Variants in ADAM9 observed in about 807,000 individuals in gnomAD.
ADAM9 encodes ADAM metallopeptidase domain 9.
A neutral mutation model predicts 108.1 loss-of-function variants in ADAM9; 54 were observed. The observed-to-expected ratio is 0.50, with a 90% CI of 0.40 to 0.63. The LOEUF (loss-of-function observed/expected upper bound fraction) is 0.63, where lower values mean the gene tolerates loss of function less well. ADAM9 is among the 20% of genes least tolerant of loss of function. ADAM9 has a pLI of 0.00. For synonymous variants in ADAM9, 316 were observed against 336.0 expected, an observed-to-expected ratio of 0.94 and a Z score of 0.65; for missense variants, 830 against 997.7, an observed-to-expected ratio of 0.83 and a Z score of 2.26.
chr8:39,103,626 A>G lies in ADAM9; in HGVS notation c.2386A>G (p.Lys796Glu). 4 of 1,614,086 alleles carry G rather than the reference A, an allele frequency of 2.5e-6. No homozygotes were observed. The highest frequency in any genetic ancestry group is 2.2e-5 in the South Asian group (2 of 91,078). The change falls in exon 22 of 22, where the codon AAA (lysine) becomes GAA (glutamate). Residue 796 changes from lysine (K) to glutamate (E), a missense_variant. Around this residue, in one of 3 missense-constraint regions of ADAM9, gnomAD observed 238 missense variants for 235.7 expected, o/e 1.01. Transcript: ENST00000487273. Reference sequence around the variant, plus strand: ...TCGCAGGCCACCTCCACCACAACCGAAAGTATCATCTCAGGGAAACTTAAT... The same window carrying G: ...TCGCAGGCCACCTCCACCACAACCGGAAGTATCATCTCAGGGAAACTTAAT... ...FPSRPPPPQP[K>E]VSSQGNLIPA...
chr8:39,089,194 A>G (rs951390714), intron 18 of ADAM9, among the ~76,000 whole-genome samples: 2 of 152,190 alleles, frequency 1.3e-5, no homozygotes, highest in African/African-American at 4.8e-5. Context: ...GGTTGCAGTG[A>G]GTGGAGATCG....
chr8:39,048,608 C>G (rs1837851646), intron 12 of ADAM9, among the ~76,000 whole-genome samples: 1 of 152,124 alleles, frequency 6.6e-6, no homozygotes, highest in African/African-American at 2.4e-5. Flanking sequence ...TAGTGTTGTT[C>G]AAGTCCTGTG....
intron 16 of ADAM9, 137 bp from the exon 17 acceptor site, chr8:39,082,501 TATA>T (rs1187329692): frequency 8.0e-6 from 5 of 627,150 alleles, no homozygotes; most frequent in East Asian, 2.9e-5. Context: ...TTTTTAAAAA[TATA>T]ATATGGGAAT....
intron 14 of ADAM9, among the ~76,000 whole-genome samples, chr8:39,070,549 T>C (rs954318793): frequency 2.0e-5 from 3 of 152,144 alleles, no homozygotes; most frequent in African/African-American, 4.8e-5. Flanking sequence ...TTTAAAAATA[T>C]GCATTTTGCA....
intron 12 of ADAM9, among the ~76,000 whole-genome samples, chr8:39,044,875 C>CAT (rs896733580): frequency 3.5e-5 from 5 of 143,836 alleles, no homozygotes; most frequent in African/African-American, 1.4e-4. Flanking sequence ...TGTATACATA[C>CAT]ATATATATGT....
rs1838091426 is a variant in ADAM9 at position 39,055,535 on chromosome 8, T to G, written c.1396-42T>G. ...TTCACATTTGATTAATTTGTGGACA[T>G]TATCCTGATATTTCTGTTTAATTTG... On this transcript the variant is annotated intron_variant, in intron 13 of 21. Transcript: ENST00000487273. The G allele has an allele frequency of 8.8e-6, 14 of 1,587,262 alleles. No individual in the cohort carries two copies. The East Asian group carries it at 3.1e-4, about 35-fold the overall frequency.
At position 39,045,107 on chromosome 8, in the gene ADAM9, TAC is replaced by T. The variant is rs1564297446; in HGVS notation, c.1302+2992_1302+2993del. On this transcript the variant is annotated intron_variant, in intron 12 of 21. Coordinates refer to ENST00000487273, the MANE Select transcript of ADAM9 (RefSeq NM_003816.3). ...GCATACATACATATGTGTGTGTGCA[TAC>T]ATACATATGTGTGTGTGCATACATA... 2.3e-3 allele frequency among the ~76,000 whole-genome samples: 47 copies of T among 20,558 alleles called. 9 individuals are homozygous for T. The highest frequency in any genetic ancestry group is 7.7e-3 in the South Asian group (7 of 906). The allele number at this position is 20,558 out of a possible 152,430, so 13.5% of individuals were successfully genotyped here. A position where few individuals can be genotyped will look rare whatever the true frequency, so the allele number is the denominator to read the frequency against.
chr8:39,049,611 G>A (rs1837889401), intron 12 of ADAM9, among the ~76,000 whole-genome samples: 1 of 151,662 alleles, frequency 6.6e-6, no homozygotes, highest in Admixed American at 6.6e-5. Flanking sequence ...GCTAATTTTT[G>A]TATTTTTAGT....
chr8:39,071,202 C>T, intron 14 of ADAM9, 96 bp from the exon 15 acceptor site: 2 of 1,113,076 alleles, frequency 1.8e-6, no homozygotes, highest in East Asian at 5.1e-5. Flanking sequence ...TGAGGCTGTT[C>T]ATCCAGGTGT....
At position 39,101,841 on chromosome 8, in the gene ADAM9, C is replaced by G. The variant is rs1220265908; in HGVS notation, c.2299-22C>G. The G allele has an allele frequency of 1.1e-5, 17 of 1,585,264 alleles. No homozygotes were observed. The South Asian group carries it at 1.9e-4, about 18-fold the overall frequency. Reference sequence around the variant, plus strand: ...TTTATGAGCACATAGTGGTAATAACCTTATTTTTTTTTTCTTTTTAGCCTA... The same window carrying G: ...TTTATGAGCACATAGTGGTAATAACGTTATTTTTTTTTTCTTTTTAGCCTA... On this transcript the variant is annotated intron_variant, in intron 20 of 21. Transcript: ENST00000487273.
chr8:39,028,469 G>C (rs1447934163), intron 11 of ADAM9, among the ~76,000 whole-genome samples: 1 of 152,202 alleles, frequency 6.6e-6, no homozygotes. Context: ...GTGAAGTTGA[G>C]AAAGACGTGA....
chr8:39,047,111 T>A (rs959402460), intron 12 of ADAM9, among the ~76,000 whole-genome samples: 2 of 152,230 alleles, frequency 1.3e-5, no homozygotes, highest in East Asian at 1.9e-4. Flanking sequence ...TTGATTTTTG[T>A]ATATTGAGCC....
At chr8:39,015,347 C>T (rs1472500576) in intron 4 of ADAM9, 3 of 152,098 alleles carry the variant, frequency 2.0e-5, no homozygotes, top group Admixed American at 6.6e-5. Context: ...TTATTGACAG[C>T]GTATGTTCTT....
chr8:39,070,443 A>G (rs890407279), intron 14 of ADAM9, among the ~76,000 whole-genome samples: 1 of 152,160 alleles, frequency 6.6e-6, no homozygotes, highest in Non-Finnish European at 1.5e-5. Flanking sequence ...TTCATTTGCT[A>G]TACGTGACTG....
intron 11 of ADAM9, among the ~76,000 whole-genome samples, chr8:39,031,206 C>T (rs1464212896): frequency 6.6e-6 from 1 of 152,156 alleles, no homozygotes; most frequent in Non-Finnish European, 1.5e-5. Context: ...TACACTTAGA[C>T]CTTTGATCCA....
chr8:39,075,453 G>A (rs764906558), intron 15 of ADAM9, among the ~76,000 whole-genome samples: 3 of 152,116 alleles, frequency 2.0e-5, no homozygotes, highest in Non-Finnish European at 4.4e-5. Flanking sequence ...TTCACTTTAT[G>A]GATGATCCTT....
At position 39,104,026 on chromosome 8, in the gene ADAM9, T is replaced by C. The variant is rs1157328755; in HGVS notation, c.*326T>C. Reference sequence around the variant, plus strand: ...GATTCTCAAATTAACTGTATTGGTGTAAGAGTTTTGTCATTAAGTGTTTAA... The same window carrying C: ...GATTCTCAAATTAACTGTATTGGTGCAAGAGTTTTGTCATTAAGTGTTTAA... On this transcript the variant is annotated 3_prime_UTR_variant, in exon 22 of 22. Coordinates refer to ENST00000487273, the MANE Select transcript of ADAM9 (RefSeq NM_003816.3). The C allele has an allele frequency of 1.3e-5, 7 of 519,746 alleles. No homozygotes were observed. Among genetic ancestry groups the C allele is most frequent in the African/African-American group, 3.8e-5 (2 of 52,630 alleles). 32.2% of individuals were successfully genotyped at this position (519,746 alleles called of 1,614,324 possible).
At chr8:39,045,566 G>GTATATATA (rs1302559064) in intron 12 of ADAM9, among the ~76,000 whole-genome samples, 1 of 58,352 alleles carries the variant, frequency 1.7e-5, no homozygotes, top group African/African-American at 7.2e-5. Flanking sequence ...ATATGTGTGT[G>GTATATATA]TGTGTATATA....
chr8:39,070,633 C>T (rs917013936), intron 14 of ADAM9, among the ~76,000 whole-genome samples: 1 of 151,640 alleles, frequency 6.6e-6, no homozygotes, highest in East Asian at 1.9e-4. Context: ...TGGCGTGTAC[C>T]TGTAGTTCTA....
Sources: allele counts gnomAD v4.1 joint callset (sites outside exome capture counted in the v4.1 genomes callset), GRCh38; gene constraint gnomAD v4.1.1; regional missense constraint gnomAD v4.1.1; transcripts MANE v1.5; gene names NCBI Gene and HGNC (gene_info 2026-07-23, HGNC 2026-07-21).